Variants in PPEF1 observed in about 807,000 individuals in gnomAD.
PPEF1 encodes protein phosphatase with EF-hand domain 1.
PPEF1 carries 12 observed loss-of-function variants against 53.3 expected under a neutral mutation model. The observed-to-expected ratio is 0.23, with a 90% confidence interval of 0.14 to 0.36. The LOEUF is 0.36. Among genes scored for constraint, PPEF1 ranks in the 10% least tolerant of loss-of-function variants. The pLI is 1.00. For missense variants in PPEF1, 334 were observed against 490.4 expected, an observed-to-expected ratio of 0.68 and a Z score of 3.01; for synonymous variants, 165 against 176.7, an observed-to-expected ratio of 0.93 and a Z score of 0.52.
Position 18,827,370 on chromosome X carries a change from C to T in PPEF1, c.1845C>T (p.Ala615=). Reference sequence around the variant, plus strand: ...ATGATTCCCAAGTCAATAAGCTTGCCAACATAATGGACTTGAACAAAGATG... The same window carrying T: ...ATGATTCCCAAGTCAATAAGCTTGCTAACATAATGGACTTGAACAAAGATG... ...HIDDSQVNKL[A]NIMDLNKDGS... The change falls in exon 16 of 16, where the codon GCC becomes GCT. Residue 615 remains alanine (A), a synonymous_variant. Transcript: ENST00000470157. 8.3e-7 allele frequency: 1 copy of T among 1,208,758 alleles called. No individual in the cohort carries two copies.
At chrX:18,737,694 T>C (rs1179874538) in intron 3 of PPEF1, among the ~76,000 whole-genome samples, 4 of 110,921 alleles carry the variant, frequency 3.6e-5, no homozygotes, top group Non-Finnish European at 5.7e-5. Context: ...CTTTCTGTTT[T>C]GTTGATCTGT....
intron 3 of PPEF1, among the ~76,000 whole-genome samples, chrX:18,736,019 A>G (rs1342884321): frequency 1.8e-5 from 2 of 112,066 alleles, no homozygotes; most frequent in Non-Finnish European, 3.8e-5. Flanking sequence ...CAGTTTAAGG[A>G]GAGTTTGGGC....
At chrX:18,739,555 G>A (rs1416011630) in intron 3 of PPEF1, among the ~76,000 whole-genome samples, 2 of 112,103 alleles carry the variant, frequency 1.8e-5, no homozygotes, top group African/African-American at 6.5e-5. Flanking sequence ...CCTGGGAGTT[G>A]TCTCCCAGTT....
At chrX:18,739,911 C>T (rs944233707) in intron 3 of PPEF1, among the ~76,000 whole-genome samples, 3 of 112,416 alleles carry the variant, frequency 2.7e-5, no homozygotes, top group African/African-American at 6.5e-5. Context: ...AGCGAGGCTC[C>T]GTGGGCGTGG....
intron 4 of PPEF1, among the ~76,000 whole-genome samples, chrX:18,755,625 G>C (rs2045532625): frequency 9.1e-6 from 1 of 109,438 alleles, no homozygotes; most frequent in African/African-American, 3.4e-5. Flanking sequence ...TAAAAATGTT[G>C]TGCAACCATC....
Position 18,714,269 on chromosome X carries a change from G to GTTTTTTTTT in PPEF1, c.46+6450_46+6451insTTTTTTTTT, listed in dbSNP as rs752286222. Among the ~76,000 whole-genome samples the GTTTTTTTTT allele has an allele frequency of 1.8e-4, 11 of 61,938 alleles. 3 individuals are homozygous for GTTTTTTTTT. Among genetic ancestry groups the GTTTTTTTTT allele is most frequent in the South Asian group, 8.1e-4 (1 of 1,236 alleles). 53.8% of individuals were successfully genotyped at this position (61,938 alleles called of 115,157 possible). On this transcript the variant is annotated intron_variant, in intron 1 of 15. Transcript: ENST00000470157. ...GTGGTACTTGGTAAGTTTGTTTTTC[G>GTTTTTTTTT]TTTTTTTGTTTTTTTTTTTTGAGAT...
upstream of PPEF1, among the ~76,000 whole-genome samples, chrX:18,678,304 C>T (rs1202523163): frequency 1.8e-5 from 2 of 108,552 alleles, no homozygotes; most frequent in African/African-American, 3.4e-5. Flanking sequence ...CATGGTGGCG[C>T]ACACCTGTAG....
At chrX:18,696,158 T>A (rs975993224) in intron 4 of PPEF1, among the ~76,000 whole-genome samples, 3 of 110,667 alleles carry the variant, frequency 2.7e-5, no homozygotes, top group African/African-American at 9.8e-5. Flanking sequence ...TCCTTCGATT[T>A]TTTTTTTCTT....
At chrX:18,703,921 CTTTTTT>C (rs144154361), upstream of PPEF1, among the ~76,000 whole-genome samples, 1 of 88,419 alleles carries the variant, frequency 1.1e-5, no homozygotes, top group African/African-American at 4.2e-5. Context: ...AAAAACATAC[CTTTTTT>C]TTTTTTTTTT....
chrX:18,731,194 A>G (rs909093888), intron 2 of PPEF1, among the ~76,000 whole-genome samples: 23 of 112,602 alleles, frequency 2.0e-4, no homozygotes, highest in African/African-American at 7.4e-4. Context: ...TGAAACATAC[A>G]GCAAAAGTCT....
At chrX:18,784,336 T>C (rs2046157655) in intron 9 of PPEF1, among the ~76,000 whole-genome samples, 1 of 111,984 alleles carries the variant, frequency 8.9e-6, no homozygotes, top group Admixed American at 9.5e-5. Flanking sequence ...TGAAAAATCC[T>C]GATTTTTAAA....
At chrX:18,702,503 G>C (rs945416637) in intron 6 of PPEF1, among the ~76,000 whole-genome samples, 2 of 107,174 alleles carry the variant, frequency 1.9e-5, no homozygotes, top group African/African-American at 6.8e-5. Context: ...GTGGAAGTTG[G>C]ATAGAGATGA....
intron 6 of PPEF1, among the ~76,000 whole-genome samples, chrX:18,776,981 T>C (rs1038066157): frequency 8.9e-6 from 1 of 112,716 alleles, no homozygotes; most frequent in Admixed American, 9.4e-5. Context: ...CATAATAAAA[T>C]GAGTCTCTTA....
At chrX:18,756,618 A>G (rs1485414153) in intron 4 of PPEF1, among the ~76,000 whole-genome samples, 1 of 112,693 alleles carries the variant, frequency 8.9e-6, no homozygotes, top group Non-Finnish European at 1.9e-5. Context: ...TGAGTTAATC[A>G]TCTTGAGCAT....
chrX:18,797,734 T>C (rs769351379), intron 10 of PPEF1, among the ~76,000 whole-genome samples: 113 of 111,498 alleles, frequency 1.0e-3, no homozygotes, highest in African/African-American at 3.5e-3. Flanking sequence ...CGGAGTCTCG[T>C]TCTGTCGCCC....
upstream of PPEF1, among the ~76,000 whole-genome samples, chrX:18,681,546 T>C (rs1426351943): frequency 8.9e-6 from 1 of 111,933 alleles, no homozygotes; most frequent in Non-Finnish European, 1.9e-5. Flanking sequence ...CAGAGACGTT[T>C]CCTAATTCAC....
chrX:18,794,556 T>C (rs2046392726), intron 10 of PPEF1, among the ~76,000 whole-genome samples: 1 of 112,918 alleles, frequency 8.9e-6, no homozygotes, highest in Non-Finnish European at 1.9e-5. Flanking sequence ...CCTGGTCTTC[T>C]TGGCTTGCCC....
upstream of PPEF1, among the ~76,000 whole-genome samples, chrX:18,707,201 G>A (rs771340937): frequency 1.1e-4 from 12 of 111,561 alleles, no homozygotes; most frequent in Non-Finnish European, 2.3e-4. Context: ...TTGAATTTCA[G>A]CATAGCTGTT....
At position 18,723,363 on chromosome X, in the gene PPEF1, A is replaced by G. The variant is rs2147343383; in HGVS notation, c.47-6818A>G. 1.8e-5 allele frequency among the ~76,000 whole-genome samples: 2 copies of G among 112,199 alleles called. 1 individual carries two copies. Among genetic ancestry groups the G allele is most frequent in the African/African-American group, 6.5e-5 (2 of 30,900 alleles). ...ACTTAACTGGAATTTGTTAGCCTGG[A>G]GAGAGACAATTTTTAAAAAAGTATC... is the stretch of plus-strand genomic sequence containing the variant. On this transcript the variant is annotated intron_variant, in intron 1 of 15. Coordinates refer to ENST00000470157, the MANE Select transcript of PPEF1 (RefSeq NM_001377996.1).
Sources: allele counts gnomAD v4.1 joint callset (sites outside exome capture counted in the v4.1 genomes callset), GRCh38; gene constraint gnomAD v4.1.1; transcripts MANE v1.5; gene names NCBI Gene and HGNC (gene_info 2026-07-23, HGNC 2026-07-21).